MUC5AC: variants seen among roughly 807,000 people sequenced by gnomAD.
MUC5AC encodes the protein mucin 5AC, oligomeric mucus/gel-forming.
A neutral mutation model predicts 169.7 loss-of-function variants in MUC5AC; 158 were observed. The ratio of observed to expected loss-of-function variants is 0.93; its 90% confidence interval spans 0.82 to 1.06. The LOEUF (loss-of-function observed/expected upper bound fraction) is 1.06. MUC5AC is among the 50% of genes least tolerant of loss of function. MUC5AC has a pLI of 0.00. For missense variants in MUC5AC, 4,359 were observed against 3,089.9 expected, an observed-to-expected ratio of 1.41 and a Z score of -9.74; for synonymous variants, 1,975 against 1,237.0, an observed-to-expected ratio of 1.60 and a Z score of -12.52.
Position 1,192,975 on chromosome 11 carries a change from C to T in MUC5AC, c.14573C>T (p.Pro4858Leu), listed in dbSNP as rs773258052. ...TELGCPNAVP[P>L]RKKGETWATP... ...CTGGGATGCCCAAATGCGGTTCCCC[C>T]CAGAAAGGTAACCCCCTACTTCTCA... The change falls in exon 32 of 49, where the codon CCC becomes CTC. Residue 4858 changes from proline (P) to leucine (L), a missense_variant. Transcript: ENST00000621226. 7.0e-6 allele frequency: 5 copies of T among 713,150 alleles called. No individual in the cohort carries two copies. Among genetic ancestry groups the T allele is most frequent in the African/African-American group, 3.5e-5 (2 of 57,892 alleles). 44.2% of individuals were successfully genotyped at this position (713,150 alleles called of 1,614,324 possible).
Position 1,182,392 on chromosome 11 carries a change from A to G in MUC5AC, c.4247A>G (p.His1416Arg). 1 of 398,564 alleles carries G rather than the reference A, an allele frequency of 2.5e-6. No individual in the cohort carries two copies. Among genetic ancestry groups the G allele is most frequent in the Admixed American group, 4.4e-5 (1 of 22,736 alleles). The allele number at this position is 398,564 out of a possible 1,614,324, so 24.7% of individuals were successfully genotyped here. A position where few individuals can be genotyped will look rare whatever the true frequency, so the allele number is the denominator to read the frequency against. ...GACACACTGGAGAACCTCCGCGCCC[A>G]TGGGTACCGGGTGTGCGAATCACCC... ...DFDTLENLRA[H>R]GYRVCESPRS... is the part of the protein sequence containing the mutation. Residue 1416 changes from histidine (H) to arginine (R), a missense_variant, in exon 31 of 49, where the codon CAT (histidine) becomes CGT (arginine). Coordinates refer to ENST00000621226, the MANE Select transcript of MUC5AC (RefSeq NM_001304359.2).
At chr11:1,193,109 C>T (rs1033374111) in intron 32 of MUC5AC, 127 bp downstream of exon 32, 11 of 594,636 alleles carry the variant, frequency 1.8e-5, no homozygotes, top group African/African-American at 9.3e-5. Flanking sequence ...GCAGCCCGGC[C>T]GTCAGGAGAG....
At position 1,174,616 on chromosome 11, in the gene MUC5AC, G is replaced by A. The variant is rs1458012493; in HGVS notation, c.2086G>A (p.Val696Ile). The A allele has an allele frequency of 2.8e-5, 35 of 1,238,330 alleles. No individual in the cohort carries two copies. The highest frequency in any genetic ancestry group is 1.8e-4 in the African/African-American group (12 of 67,042). 76.7% of individuals were successfully genotyped at this position (1,238,330 alleles called of 1,614,324 possible). The part of the protein sequence containing the change: ...GVQLGGWRDG[V>I]CTKPMTTCPK... ...GCAGCTCGGCGGCTGGAGGGACGGCGTCTGCAGTGAGTGCCTGCCAAGCCC... is the reference window on the plus strand; with the variant it reads ...GCAGCTCGGCGGCTGGAGGGACGGCATCTGCAGTGAGTGCCTGCCAAGCCC... Residue 696 changes from valine (V) to isoleucine (I), a missense_variant, in exon 17 of 49, where the codon GTC becomes ATC. Val to Ile is a conservative substitution (Grantham distance 29, BLOSUM62 3). Transcript: ENST00000621226.
In MUC5AC at chr11:1,178,628, C is replaced by G. The variant is rs1273396168; in HGVS notation, c.3272C>G (p.Ala1091Gly). ...GCCAACCCCTTCCGCAAGTCCTGGG[C>G]CCAGAAGCAGTGCAGCATCCTCCAC... is the stretch of plus-strand genomic sequence containing the variant. ...CTANPFRKSW[A>G]QKQCSILHGP... The change falls in exon 25 of 49, where the codon GCC (alanine) becomes GGC (glycine). Residue 1091 changes from alanine (A) to glycine (G), a missense_variant. By Grantham distance (60) the Ala-to-Gly change is moderately conservative. Transcript: ENST00000621226. 2 of 1,401,276 alleles carry G rather than the reference C, an allele frequency of 1.4e-6. No homozygotes were observed. The highest frequency in any genetic ancestry group is 3.0e-5 in the African/African-American group (2 of 67,666). 86.8% of individuals were successfully genotyped at this position (1,401,276 alleles called of 1,614,324 possible). A position where few individuals can be genotyped will look rare whatever the true frequency, so the allele number is the denominator to read the frequency against.
rs762375644 is a variant in MUC5AC at position 1,164,326 on chromosome 11, G to A, written c.1003+7G>A. On this transcript the variant is annotated splice_region_variant and intron_variant, in intron 8 of 48. Transcript: ENST00000621226. ...CGGGGCCCTGACTTCTGCCGTGAGT[G>A]TCCCAGCCCCCTGTCCCCCAACCCC... 5 of 1,611,832 alleles carry A rather than the reference G, an allele frequency of 3.1e-6. No individual in the cohort carries two copies. In the African/African-American group the frequency reaches 6.7e-5, roughly 22 times the overall value.
At position 1,187,909 on chromosome 11, in the gene MUC5AC, G is replaced by A. The variant is rs1554928387; in HGVS notation, c.9764G>A (p.Ser3255Asn). The stretch of plus-strand genomic sequence containing the variant: ...GAAACCTACAACAACATCATCAGGA[G>A]TGGGGAAAAAATCTGCCGCCGACCT... Reference protein sequence around the residue: ...DKETYNNIIRSGEKICRRPEE... With the variant: ...DKETYNNIIRNGEKICRRPEE... The change falls in exon 31 of 49, where the codon AGT becomes AAT. Residue 3255 changes from serine to asparagine, a missense_variant. Ser to Asn is a conservative substitution (Grantham distance 46). Coordinates refer to ENST00000621226, the MANE Select transcript of MUC5AC (RefSeq NM_001304359.2). 2 of 758,558 alleles carry A rather than the reference G, an allele frequency of 2.6e-6. No homozygotes were observed. The allele number at this position is 758,558 out of a possible 1,614,324, so 47.0% of individuals were successfully genotyped here.
intron 5 of MUC5AC, 25 bp from the exon 6 acceptor site, chr11:1,162,930 G>T: frequency 6.2e-7 from 1 of 1,602,252 alleles, no homozygotes; most frequent in Non-Finnish European, 8.5e-7. Context: ...GTGGGGATGG[G>T]TGTCTGATGT....
At position 1,187,489 on chromosome 11, in the gene MUC5AC, G is replaced by A; in HGVS notation, c.9344G>A (p.Ser3115Asn). The change falls in exon 31 of 49, where the codon AGC becomes AAC. Residue 3115 changes from serine to asparagine, a missense_variant. Coordinates refer to ENST00000621226, the MANE Select transcript of MUC5AC (RefSeq NM_001304359.2). ...AGCACAACCTCTGCCTCTACAGCCA[G>A]CAAAACCTCTGGTCTTGGAACTACT... ...TTSTTSASTA[S>N]KTSGLGTTPS... The A allele has an allele frequency of 1.4e-6, 1 of 736,792 alleles. No individual in the cohort carries two copies. The highest frequency in any genetic ancestry group is 2.5e-6 in the Non-Finnish European group (1 of 403,828). The allele number at this position is 736,792 out of a possible 1,614,324, so 45.6% of individuals were successfully genotyped here. A position where few individuals can be genotyped will look rare whatever the true frequency, so the allele number is the denominator to read the frequency against.
At chr11:1,176,125 C>G (rs1318978295) in intron 19 of MUC5AC, 26 bp from the exon 20 acceptor site, 1 of 382,514 alleles carries the variant, frequency 2.6e-6, no homozygotes, top group East Asian at 3.6e-5. Flanking sequence ...CTGTGGCTGG[C>G]CCCCTGACGG....
chr11:1,196,222 C>T (rs769074556), intron 37 of MUC5AC, among the ~76,000 whole-genome samples, 166 bp from the exon 38 acceptor site: 5 of 152,190 alleles, frequency 3.3e-5, no homozygotes, highest in African/African-American at 9.6e-5. Context: ...AGGGCGTCCA[C>T]GTCTGGGAGC....
At position 1,195,272 on chromosome 11, in the gene MUC5AC, C is replaced by A. The variant is rs1217175053; in HGVS notation, c.15451C>A (p.Leu5151Met). The A allele has an allele frequency of 1.3e-6, 1 of 762,420 alleles. No individual in the cohort carries two copies. Among genetic ancestry groups the A allele is most frequent in the East Asian group, 2.4e-5 (1 of 41,184 alleles). The allele number at this position is 762,420 out of a possible 1,614,324, so 47.2% of individuals were successfully genotyped here. Residue 5151 changes from leucine (L) to methionine (M), a missense_variant, in exon 36 of 49, where the codon CTG (leucine) becomes ATG (methionine). Coordinates refer to ENST00000621226, the MANE Select transcript of MUC5AC (RefSeq NM_001304359.2). ...GCCATCACCCATCTGCCAGCTGATT[C>A]TGAGCAAGTGAGACTTGGGTGCAAG... The part of the protein sequence containing the change: ...CLPSPICQLI[L>M]SKVFEPCHTV...
At chr11:1,161,671 G>A in intron 3 of MUC5AC, 85 bp downstream of exon 3, 1 of 1,472,648 alleles carries the variant, frequency 6.8e-7, no homozygotes, top group Non-Finnish European at 9.2e-7. Context: ...CGGGTGGAGA[G>A]GGGCCCCAGC....
At position 1,187,920 on chromosome 11, in the gene MUC5AC, A is replaced by G; in HGVS notation, c.9775A>G (p.Ile3259Val). The change falls in exon 31 of 49, where the codon ATC (isoleucine) becomes GTC (valine). Residue 3259 changes from isoleucine (I) to valine (V), a missense_variant. Coordinates refer to ENST00000621226, the MANE Select transcript of MUC5AC (RefSeq NM_001304359.2). ...YNNIIRSGEK[I>V]CRRPEEITRL... is the part of the protein sequence containing the mutation. ...CAACATCATCAGGAGTGGGGAAAAA[A>G]TCTGCCGCCGACCTGAGGAGATCAC... 1 of 757,286 alleles carries G rather than the reference A, an allele frequency of 1.3e-6. No homozygotes were observed. Among genetic ancestry groups the G allele is most frequent in the Non-Finnish European group, 2.4e-6 (1 of 413,204 alleles). 46.9% of individuals were successfully genotyped at this position (757,286 alleles called of 1,614,324 possible).
chr11:1,180,588 G>A (rs1235574448), intron 28 of MUC5AC, 72 bp downstream of exon 28: 3 of 398,814 alleles, frequency 7.5e-6, no homozygotes, highest in African/African-American at 2.1e-5. Flanking sequence ...TGGGCTTTGG[G>A]TGGGGCTGGG....
chr11:1,195,920 A>G lies in MUC5AC; in HGVS notation c.15503A>G (p.Tyr5168Cys), dbSNP rs1861259638. The change falls in exon 37 of 49, where the codon TAT becomes TGT. Residue 5168 changes from tyrosine to cysteine, a missense_variant. Tyr to Cys is a radical substitution (Grantham distance 194). Transcript: ENST00000621226. ...ACTGTGATCCCCCCACTGCTGTTCTATGAGGGCTGCGTCTTTGACCGGTGC... is the reference window on the plus strand; with the variant it reads ...ACTGTGATCCCCCCACTGCTGTTCTGTGAGGGCTGCGTCTTTGACCGGTGC... Reference protein sequence around the residue: ...CHTVIPPLLFYEGCVFDRCHM... With the variant: ...CHTVIPPLLFCEGCVFDRCHM... 1.3e-6 allele frequency: 1 copy of G among 764,620 alleles called. No individual in the cohort carries two copies. The highest frequency in any genetic ancestry group is 1.7e-5 in the African/African-American group (1 of 59,036). The allele number at this position is 764,620 out of a possible 1,614,324, so 47.4% of individuals were successfully genotyped here.
chr11:1,172,469 C>T lies in MUC5AC; in HGVS notation c.1911C>T (p.Ala637=), dbSNP rs1044901485. 6.3e-5 allele frequency: 25 copies of T among 398,692 alleles called. No individual in the cohort carries two copies. The highest frequency in any genetic ancestry group is 4.8e-4 in the Admixed American group (11 of 22,746). The allele number at this position is 398,692 out of a possible 1,614,324, so 24.7% of individuals were successfully genotyped here. The change falls in exon 16 of 49, where the codon GCC becomes GCT. Residue 637 remains alanine (A), a synonymous_variant. Transcript: ENST00000621226. ...AQHWCSQLTD[A]DGPFGRCHAA... ...ACTGGTGCTCGCAGCTGACCGATGC[C>T]GACGGCCCCTTCGGCCGGTGCCATG...
intron 19 of MUC5AC, among the ~76,000 whole-genome samples, chr11:1,175,671 C>T (rs1285037538): frequency 1.3e-5 from 2 of 149,364 alleles, no homozygotes; most frequent in Admixed American, 6.7e-5. Context: ...CACACGCACT[C>T]ACACCCACTC....
rs1590156166 is a variant in MUC5AC, at chr11:1,199,957, A to G, written c.16688A>G (p.Asp5563Gly). ...RLAYCRGNCG[D>G]SSSMYSLEGN... is the part of the protein sequence containing the mutation. ...GCTTACTGCCGGGGGAACTGTGGGGACAGCTCTTCCATGTACGTGCCTGGG... is the reference window on the plus strand; with the variant it reads ...GCTTACTGCCGGGGGAACTGTGGGGGCAGCTCTTCCATGTACGTGCCTGGG... The change falls in exon 48 of 49, where the codon GAC (aspartate) becomes GGC (glycine). Residue 5563 changes from aspartate (D) to glycine (G), a missense_variant. By Grantham distance (94) the Asp-to-Gly change is moderately conservative. Transcript: ENST00000621226. 1 of 762,902 alleles carries G rather than the reference A, an allele frequency of 1.3e-6. No homozygotes were observed. The highest frequency in any genetic ancestry group is 2.4e-5 in the East Asian group (1 of 41,182). The allele number at this position is 762,902 out of a possible 1,614,324, so 47.3% of individuals were successfully genotyped here. A position where few individuals can be genotyped will look rare whatever the true frequency, so the allele number is the denominator to read the frequency against.
chr11:1,198,401 G>A (rs962590923), intron 43 of MUC5AC, 96 bp downstream of exon 43: 7 of 692,940 alleles, frequency 1.0e-5, no homozygotes, highest in African/African-American at 3.5e-5. Flanking sequence ...TGCCAACTCC[G>A]GCCGAGGCCA....
Sources: allele counts gnomAD v4.1 joint callset (sites outside exome capture counted in the v4.1 genomes callset), GRCh38; gene constraint gnomAD v4.1.1; transcripts MANE v1.5; gene names NCBI Gene and HGNC (gene_info 2026-07-23, HGNC 2026-07-21).